Variants in ZC3H12B observed in about 807,000 individuals in gnomAD.
ZC3H12B encodes the protein probable ribonuclease ZC3H12B.
A neutral mutation model predicts 43.9 loss-of-function variants in ZC3H12B; 7 were observed. The ratio of observed to expected loss-of-function variants is 0.16; its 90% CI spans 0.09 to 0.30. The LOEUF is 0.30. Among genes scored for constraint, ZC3H12B ranks in the 10% least tolerant of loss-of-function variants. The pLI, the probability that ZC3H12B is intolerant of heterozygous loss-of-function variation, is 1.00. For missense variants in ZC3H12B, 475 were observed against 670.2 expected (o/e 0.71, Z 3.22); for synonymous variants, 222 against 241.7 (o/e 0.92, Z 0.76).
the ZC3H12B span, among the ~76,000 whole-genome samples, chrX:65,074,270 G>T: frequency 9.4e-6 from 1 of 106,188 alleles, no homozygotes; most frequent in African/African-American, 3.4e-5. Context: ...TAGTTAACAG[G>T]TTTTTTTTTT....
chrX:65,189,290 A>G, the ZC3H12B span, among the ~76,000 whole-genome samples: 2 of 95,573 alleles, frequency 2.1e-5, no homozygotes, highest in African/African-American at 8.4e-5. Context: ...AGCATGATTT[A>G]TAGTCGTTTG....
chrX:65,249,662 C>A, the ZC3H12B span, among the ~76,000 whole-genome samples: 5 of 111,437 alleles, frequency 4.5e-5, no homozygotes, highest in African/African-American at 1.6e-4. Context: ...ATCATTTTCA[C>A]AATATTCATT....
the ZC3H12B span, among the ~76,000 whole-genome samples, chrX:65,313,889 A>T: frequency 1.8e-5 from 2 of 112,198 alleles, no homozygotes; most frequent in African/African-American, 6.5e-5. Context: ...TTTAAATCAG[A>T]TATTATAACC....
chrX:65,153,437 C>G, the ZC3H12B span, among the ~76,000 whole-genome samples: 3 of 112,298 alleles, frequency 2.7e-5, no homozygotes, highest in Non-Finnish European at 5.6e-5. Context: ...ACAGACATTT[C>G]TCAAAAGAAG....
At chrX:65,227,154 T>C in the ZC3H12B span, among the ~76,000 whole-genome samples, 2 of 111,512 alleles carry the variant, frequency 1.8e-5, no homozygotes, top group African/African-American at 6.5e-5. Flanking sequence ...TCAGCAAATG[T>C]AAAATAACAG....
At chrX:65,371,077 T>C (rs1352792734) in intron 2 of ZC3H12B, among the ~76,000 whole-genome samples, 1 of 112,114 alleles carries the variant, frequency 8.9e-6, no homozygotes, top group East Asian at 2.8e-4. Flanking sequence ...AATATCCTAT[T>C]CTTAATTTTA....
chrX:65,327,585 T>C, the ZC3H12B span, among the ~76,000 whole-genome samples: 92 of 111,391 alleles, frequency 8.3e-4, no homozygotes, highest in Middle Eastern at 0.023. Flanking sequence ...GCACAAATGA[T>C]TGAGTATGTT....
chrX:65,378,940 A>G (rs1290921545), intron 2 of ZC3H12B, among the ~76,000 whole-genome samples: 1 of 112,561 alleles, frequency 8.9e-6, no homozygotes, highest in Non-Finnish European at 1.9e-5. Flanking sequence ...TATCCCCCAC[A>G]TGGTTCAGAG....
chrX:65,179,299 G>A, the ZC3H12B span, among the ~76,000 whole-genome samples: 6 of 109,816 alleles, frequency 5.5e-5, no homozygotes, highest in African/African-American at 2.0e-4. Context: ...GAAGAGATAC[G>A]TAATGTAGAT....
intron 2 of ZC3H12B, among the ~76,000 whole-genome samples, chrX:65,382,439 G>C (rs1194155250): frequency 9.0e-6 from 1 of 111,273 alleles, no homozygotes; most frequent in East Asian, 2.8e-4. Flanking sequence ...ATTACGTATT[G>C]ATGGGACGTA....
chrX:65,487,827 T>C (rs1465686631), upstream of ZC3H12B, among the ~76,000 whole-genome samples: 1 of 112,160 alleles, frequency 8.9e-6, no homozygotes, highest in African/African-American at 3.2e-5. Context: ...GGGTTCCTGA[T>C]ATTTTGTAAA....
At chrX:65,371,522 G>A (rs2066244753) in intron 2 of ZC3H12B, among the ~76,000 whole-genome samples, 1 of 111,558 alleles carries the variant, frequency 9.0e-6, no homozygotes, top group African/African-American at 3.2e-5. Context: ...AAAGGGAAGA[G>A]TCACTGTTAT....
the ZC3H12B span, among the ~76,000 whole-genome samples, chrX:65,067,758 ATTTCT>A: frequency 9.7e-6 from 1 of 103,098 alleles, no homozygotes; most frequent in Non-Finnish European, 2.0e-5. Context: ...GATCTTCATT[ATTTCT>A]TTTCTTCTAC....
At chrX:65,088,277 A>G in the ZC3H12B span, among the ~76,000 whole-genome samples, 1 of 111,697 alleles carries the variant, frequency 9.0e-6, no homozygotes, top group Admixed American at 9.5e-5. Context: ...TGGTAGTAAA[A>G]GAGTTCCTCT....
the ZC3H12B span, among the ~76,000 whole-genome samples, chrX:65,096,124 G>A: frequency 2.8e-5 from 3 of 107,434 alleles, no homozygotes; most frequent in Non-Finnish European, 3.8e-5. Context: ...GAATAGTGTT[G>A]CAATAAACAT....
chrX:65,329,029 A>G, the ZC3H12B span, among the ~76,000 whole-genome samples: 1 of 110,839 alleles, frequency 9.0e-6, no homozygotes, highest in Non-Finnish European at 1.9e-5. Flanking sequence ...GTGTCTTTAT[A>G]GCAGCATGAT....
At chrX:65,221,733 A>G in the ZC3H12B span, among the ~76,000 whole-genome samples, 2 of 111,337 alleles carry the variant, frequency 1.8e-5, no homozygotes, top group Admixed American at 9.5e-5. Flanking sequence ...ATCCAGGACT[A>G]GATGGATTCA....
At chrX:65,091,828 C>T in the ZC3H12B span, among the ~76,000 whole-genome samples, 4 of 112,124 alleles carry the variant, frequency 3.6e-5, no homozygotes, top group Non-Finnish European at 5.6e-5. Context: ...TTCAATTTTG[C>T]TATGAACCTA....
chrX:65,190,765 C>T, the ZC3H12B span, among the ~76,000 whole-genome samples: 4 of 106,494 alleles, frequency 3.8e-5, no homozygotes, highest in African/African-American at 1.0e-4. Flanking sequence ...TTGACTTCCT[C>T]TTTTCCTAAT....
Sources: allele counts gnomAD v4.1 joint callset (sites outside exome capture counted in the v4.1 genomes callset), GRCh38; gene constraint gnomAD v4.1.1; transcripts MANE v1.5; gene names NCBI Gene and HGNC (gene_info 2026-07-23, HGNC 2026-07-21).